Variants in GRM3 observed in about 807,000 individuals in gnomAD.
The protein encoded by GRM3 is glutamate metabotropic receptor 3.
A neutral mutation model predicts 70.5 loss-of-function variants in GRM3; 26 were observed. The observed-to-expected ratio is 0.37, with a 90% CI of 0.27 to 0.51. The LOEUF is 0.51. Among genes scored for constraint, GRM3 ranks in the 20% least tolerant of loss-of-function variants. GRM3 has a pLI of 0.93. For missense variants in GRM3, 859 were observed against 1,123.8 expected, an observed-to-expected ratio of 0.76 and a Z score of 3.37; for synonymous variants, 443 against 434.9, an observed-to-expected ratio of 1.02 and a Z score of -0.23.
intron 4 of GRM3, among the ~76,000 whole-genome samples, chr7:86,846,864 C>T (rs1380617149): frequency 2.6e-5 from 4 of 152,152 alleles, no homozygotes; most frequent in African/African-American, 9.7e-5. Flanking sequence ...TCCTCATTGT[C>T]AAAACTGTCA....
intron 3 of GRM3, among the ~76,000 whole-genome samples, chr7:86,798,337 G>A (rs1029764672): frequency 2.3e-4 from 35 of 152,246 alleles, no homozygotes; most frequent in African/African-American, 8.2e-4. Flanking sequence ...AAGCCAGAGG[G>A]GTGGAGCTGC....
intron 1 of GRM3, among the ~76,000 whole-genome samples, chr7:86,757,487 C>G (rs988315325): frequency 6.6e-6 from 1 of 152,130 alleles, no homozygotes; most frequent in Non-Finnish European, 1.5e-5. Flanking sequence ...ATAAAAAGCA[C>G]AAAGTGCCTA....
At chr7:86,677,662 T>C (rs1794340435) in intron 1 of GRM3, among the ~76,000 whole-genome samples, 1 of 151,988 alleles carries the variant, frequency 6.6e-6, no homozygotes, top group African/African-American at 2.4e-5. Context: ...AAGAACTTAC[T>C]AGGAAATTGA....
intron 3 of GRM3, among the ~76,000 whole-genome samples, chr7:86,791,166 G>A (rs1395143548): frequency 6.6e-6 from 1 of 152,098 alleles, no homozygotes; most frequent in Non-Finnish European, 1.5e-5. Flanking sequence ...CTCTTTCAAG[G>A]CATGGTACAT....
chr7:86,838,692 G>GTAAC, intron 3 of GRM3, 147 bp from the exon 4 acceptor site: 1 of 607,626 alleles, frequency 1.6e-6, no homozygotes, highest in Admixed American at 3.0e-5. Context: ...CTTTTGAAGT[G>GTAAC]TAACTTTCAA....
At chr7:86,726,661 T>C (rs914867437) in intron 1 of GRM3, among the ~76,000 whole-genome samples, 1 of 152,198 alleles carries the variant, frequency 6.6e-6, no homozygotes, top group Non-Finnish European at 1.5e-5. Context: ...AGTACCACTT[T>C]TCACTCATTT....
At chr7:86,702,529 T>G (rs1400096280) in intron 1 of GRM3, among the ~76,000 whole-genome samples, 1 of 152,002 alleles carries the variant, frequency 6.6e-6, no homozygotes, top group East Asian at 1.9e-4. Flanking sequence ...TATATTCCAA[T>G]GAGATTCTGG....
intron 1 of GRM3, among the ~76,000 whole-genome samples, chr7:86,660,689 C>T (rs938826731): frequency 6.6e-6 from 1 of 151,858 alleles, no homozygotes; most frequent in Admixed American, 6.6e-5. Context: ...ATCAACTAGG[C>T]TATGCAGTTC....
At chr7:86,656,151 C>T (rs1280074407) in intron 1 of GRM3, among the ~76,000 whole-genome samples, 2 of 152,004 alleles carry the variant, frequency 1.3e-5, no homozygotes, top group African/African-American at 2.4e-5. Context: ...CTCTCTTCTT[C>T]ACTTCTCCAC....
At chr7:86,718,521 C>A (rs558098995) in intron 1 of GRM3, among the ~76,000 whole-genome samples, 1 of 152,036 alleles carries the variant, frequency 6.6e-6, no homozygotes, top group East Asian at 1.9e-4. Flanking sequence ...TGTTTCCAAA[C>A]ACTTGAAGCT....
intron 4 of GRM3, among the ~76,000 whole-genome samples, chr7:86,843,281 C>G (rs933186925): frequency 6.6e-5 from 10 of 151,990 alleles, no homozygotes; most frequent in African/African-American, 2.4e-4. Flanking sequence ...AATGACCTTC[C>G]CAGGTGGCAC....
At chr7:86,773,137 C>A (rs185998518) in intron 2 of GRM3, among the ~76,000 whole-genome samples, 1 of 152,028 alleles carries the variant, frequency 6.6e-6, no homozygotes, top group East Asian at 1.9e-4. Context: ...GCTTTTCAGC[C>A]CTTGAACCCC....
intron 1 of GRM3, among the ~76,000 whole-genome samples, chr7:86,760,001 C>T (rs1373143810): frequency 6.6e-6 from 1 of 152,096 alleles, no homozygotes; most frequent in Admixed American, 6.6e-5. Context: ...TGAAAAATTA[C>T]AGAATCATAA....
At chr7:86,706,934 A>C (rs6950735) in intron 1 of GRM3, among the ~76,000 whole-genome samples, 30,158 of 152,096 alleles carry the variant, frequency 0.2, 3,039 homozygotes, top group African/African-American at 0.22. Context: ...GTTGTCATAC[A>C]ATTTTGCACT....
intron 1 of GRM3, among the ~76,000 whole-genome samples, chr7:86,664,166 C>T (rs80136903): frequency 1.3e-5 from 2 of 151,704 alleles, no homozygotes; most frequent in Non-Finnish European, 2.9e-5. Context: ...AAAAAAGACC[C>T]TCACTGGAAT....
At chr7:86,666,493 A>G (rs1233251750) in intron 1 of GRM3, among the ~76,000 whole-genome samples, 1 of 152,102 alleles carries the variant, frequency 6.6e-6, no homozygotes, top group Non-Finnish European at 1.5e-5. Context: ...ATGTTATGTA[A>G]GGGATTTTTA....
intron 1 of GRM3, among the ~76,000 whole-genome samples, chr7:86,686,285 C>T (rs1794566064): frequency 1.3e-5 from 2 of 152,108 alleles, no homozygotes; most frequent in East Asian, 1.9e-4. Context: ...AAGTCTCTTG[C>T]TTCACTGAAG....
At position 86,749,436 on chromosome 7, in the gene GRM3, C is replaced by G. The variant is rs183250074; in HGVS notation, c.-140-15570C>G. The stretch of plus-strand genomic sequence containing the variant: ...TTTGAAATTCCCCAAGGTTATTACC[C>G]CATATGTATGCTAAACGGCAAAGTG... On this transcript the variant is annotated intron_variant, in intron 1 of 5. Transcript: ENST00000361669. Among the ~76,000 whole-genome samples, 161 of 152,076 alleles carry G rather than the reference C, an allele frequency of 1.1e-3. 2 individuals are homozygous for G. Among genetic ancestry groups the G allele is most frequent in the Admixed American group, 9.3e-3 (142 of 15,244 alleles).
intron 1 of GRM3, among the ~76,000 whole-genome samples, chr7:86,687,069 A>G (rs1321795797): frequency 6.6e-6 from 1 of 151,994 alleles, no homozygotes; most frequent in Non-Finnish European, 1.5e-5. Context: ...TCCCTATAAA[A>G]GAAAAAGTAG....
Sources: allele counts gnomAD v4.1 joint callset (sites outside exome capture counted in the v4.1 genomes callset), GRCh38; gene constraint gnomAD v4.1.1; transcripts MANE v1.5; gene names NCBI Gene and HGNC (gene_info 2026-07-23, HGNC 2026-07-21).